Variants in HMOX2 observed in about 807,000 individuals in gnomAD.
HMOX2 encodes heme oxygenase 2.
A neutral mutation model predicts 33.7 loss-of-function variants in HMOX2; 30 were observed. That is an observed-to-expected ratio of 0.89 (90% CI 0.67 to 1.21). The LOEUF is 1.21. HMOX2 is among the 50% of genes most tolerant of loss of function. The pLI is 0.00. For synonymous variants in HMOX2, 155 were observed against 155.0 expected, an observed-to-expected ratio of 1.00 and a Z score of 0.00; for missense variants, 403 against 399.1, an observed-to-expected ratio of 1.01 and a Z score of -0.08.
intron 1 of HMOX2, among the ~76,000 whole-genome samples, chr16:4,478,144 C>T (rs1028848177): frequency 1.3e-5 from 2 of 152,146 alleles, no homozygotes; most frequent in African/African-American, 4.8e-5. Flanking sequence ...TGTGATTCCT[C>T]CATTGTCTGA....
intron 1 of HMOX2, among the ~76,000 whole-genome samples, chr16:4,490,645 T>A (rs1462118892): frequency 6.6e-6 from 1 of 152,248 alleles, no homozygotes; most frequent in African/African-American, 2.4e-5. Flanking sequence ...GAACATACTG[T>A]AACCCTTTTC....
At chr16:4,505,230 C>A (rs2058661213) in intron 1 of HMOX2, among the ~76,000 whole-genome samples, 1 of 152,174 alleles carries the variant, frequency 6.6e-6, no homozygotes, top group South Asian at 2.1e-4. Flanking sequence ...TATATAATCG[C>A]AGTACAATTA....
At chr16:4,490,834 C>T (rs914432504) in intron 1 of HMOX2, among the ~76,000 whole-genome samples, 1 of 152,182 alleles carries the variant, frequency 6.6e-6, no homozygotes, top group African/African-American at 2.4e-5. Flanking sequence ...CTTTTGAATG[C>T]ACACTGCTTT....
In HMOX2 at chr16:4,505,513, C is replaced by T; in HGVS notation, c.-12C>T. ...AGAGGAGCGAGAGCAGCAAGAACCA[C>T]ACCCAGCAGCAATGTCAGCGGAAGT... On this transcript the variant is annotated 5_prime_UTR_variant, in exon 2 of 6. Transcript: ENST00000570646. 2 of 1,600,466 alleles carry T rather than the reference C, an allele frequency of 1.2e-6. No individual in the cohort carries two copies. The highest frequency in any genetic ancestry group is 1.7e-6 in the Non-Finnish European group (2 of 1,172,326).
At chr16:4,490,121 T>C (rs566308205) in intron 1 of HMOX2, among the ~76,000 whole-genome samples, 2 of 152,306 alleles carry the variant, frequency 1.3e-5, no homozygotes, top group Admixed American at 6.5e-5. Context: ...TAACGAGATA[T>C]GAGTGCTAGG....
At chr16:4,489,298 T>A (rs2058250641) in intron 1 of HMOX2, among the ~76,000 whole-genome samples, 1 of 152,094 alleles carries the variant, frequency 6.6e-6, no homozygotes. Context: ...AAGTGTTTAG[T>A]CACTAGGCAG....
chr16:4,482,478 T>C (rs764434695), intron 1 of HMOX2, among the ~76,000 whole-genome samples: 11 of 152,186 alleles, frequency 7.2e-5, no homozygotes, highest in Non-Finnish European at 1.5e-4. Flanking sequence ...CGGTGTCCTC[T>C]AAGTCAGTTA....
intron 1 of HMOX2, among the ~76,000 whole-genome samples, chr16:4,481,602 A>G (rs2058034260): frequency 6.6e-6 from 1 of 152,208 alleles, no homozygotes; most frequent in African/African-American, 2.4e-5. Flanking sequence ...TGCACAATTA[A>G]TATTTATAGA....
At chr16:4,503,892 C>G (rs572114121) in intron 1 of HMOX2, among the ~76,000 whole-genome samples, 2 of 152,182 alleles carry the variant, frequency 1.3e-5, no homozygotes, top group African/African-American at 4.8e-5. Context: ...TAAATAAGTT[C>G]TTTTTCCTTG....
At chr16:4,504,682 CTTTTTTTTTTTT>C (rs56922429) in intron 1 of HMOX2, among the ~76,000 whole-genome samples, 19 of 65,838 alleles carry the variant, frequency 2.9e-4, no homozygotes, top group East Asian at 1.6e-3. Flanking sequence ...TTGATACGGT[CTTTTTTTTTTTT>C]TTTTTTTTTT....
chr16:4,477,604 G>C (rs2057900095), intron 1 of HMOX2, among the ~76,000 whole-genome samples: 2 of 150,996 alleles, frequency 1.3e-5, no homozygotes, highest in African/African-American at 4.9e-5. Flanking sequence ...CTACAAACCA[G>C]ACAAGGTGGA....
At chr16:4,490,487 A>G (rs1385314342) in intron 1 of HMOX2, among the ~76,000 whole-genome samples, 2 of 152,148 alleles carry the variant, frequency 1.3e-5, no homozygotes, top group Non-Finnish European at 2.9e-5. Context: ...CGAAAATCAA[A>G]TTTCTCCCAG....
intron 1 of HMOX2, among the ~76,000 whole-genome samples, chr16:4,503,696 G>T (rs762447610): frequency 2.6e-5 from 4 of 152,066 alleles, no homozygotes; most frequent in Non-Finnish European, 5.9e-5. Flanking sequence ...TGAGAGAGAT[G>T]GTTCAAAAAG....
chr16:4,497,557 CTCA>C (rs1200152992), intron 1 of HMOX2, among the ~76,000 whole-genome samples: 2 of 152,186 alleles, frequency 1.3e-5, no homozygotes, highest in African/African-American at 4.8e-5. Flanking sequence ...TCTACCAGGA[CTCA>C]TCATTGTCCC....
intron 1 of HMOX2, among the ~76,000 whole-genome samples, chr16:4,497,615 T>A (rs192082177): frequency 2.8e-4 from 42 of 152,326 alleles, no homozygotes; most frequent in Non-Finnish European, 4.6e-4. Flanking sequence ...CATTTCAGTG[T>A]CTCAGGTTCT....
At chr16:4,483,532 C>T (rs2058085339) in intron 1 of HMOX2, 1 of 152,104 alleles carries the variant, frequency 6.6e-6, no homozygotes, top group Admixed American at 6.5e-5. Context: ...GAAGGATTCT[C>T]CTAGTGCCCC....
chr16:4,486,986 G>A (rs1037321645), intron 1 of HMOX2, among the ~76,000 whole-genome samples: 7 of 152,290 alleles, frequency 4.6e-5, no homozygotes, highest in South Asian at 2.1e-4. Context: ...GAGGCTGGGC[G>A]TGGTGGCCCA....
chr16:4,478,776 AAAAG>A (rs1240810940), intron 1 of HMOX2, among the ~76,000 whole-genome samples: 28 of 151,720 alleles, frequency 1.8e-4, no homozygotes, highest in Admixed American at 6.6e-4. Flanking sequence ...AAAAAAAAAA[AAAAG>A]AAAGAAAGAA....
intron 1 of HMOX2, among the ~76,000 whole-genome samples, chr16:4,482,469 G>A (rs537908423): frequency 7.9e-5 from 12 of 152,136 alleles, no homozygotes; most frequent in Admixed American, 5.9e-4. Context: ...ACACCGGTGC[G>A]GTGTCCTCTA....
Sources: allele counts gnomAD v4.1 joint callset (sites outside exome capture counted in the v4.1 genomes callset), GRCh38; gene constraint gnomAD v4.1.1; transcripts MANE v1.5; gene names NCBI Gene and HGNC (gene_info 2026-07-23, HGNC 2026-07-21).